C1QTNF7: variants seen among roughly 807,000 people sequenced by gnomAD.
The protein encoded by C1QTNF7 is complement C1q tumor necrosis factor-related protein 7.
A neutral mutation model predicts 19.6 loss-of-function variants in C1QTNF7; 15 were observed. The ratio of observed to expected loss-of-function variants is 0.76; its 90% confidence interval spans 0.51 to 1.18. The LOEUF is 1.18. C1QTNF7 is among the 50% of genes most tolerant of loss of function. The pLI, the probability that C1QTNF7 is intolerant of heterozygous loss-of-function variation, is 0.00. For missense variants in C1QTNF7, 324 were observed against 359.7 expected (o/e 0.90, Z 0.80); for synonymous variants, 142 against 137.5 (o/e 1.03, Z -0.23).
chr4:15,340,088 G>C, exon 1 of C1QTNF7: 2 of 1,309,744 alleles, frequency 1.5e-6, no homozygotes, highest in Non-Finnish European at 2.2e-6. Context: ...GAGTAGCTTC[G>C]AATAATAAAC....
chr4:15,345,205 A>G (rs1174406029), intron 1 of C1QTNF7, among the ~76,000 whole-genome samples: 1 of 152,174 alleles, frequency 6.6e-6, no homozygotes, highest in Non-Finnish European at 1.5e-5. Flanking sequence ...CACCTTTAAC[A>G]CTAAGGTCAG....
intron 1 of C1QTNF7, among the ~76,000 whole-genome samples, chr4:15,373,607 G>T (rs1442873540): frequency 6.6e-6 from 1 of 152,132 alleles, no homozygotes; most frequent in Non-Finnish European, 1.5e-5. Flanking sequence ...ACTCCACAGG[G>T]CTCCCTTGGC....
chr4:15,435,777 A>G lies in C1QTNF7; in HGVS notation c.34A>G (p.Ile12Val). 6.2e-7 allele frequency: 1 copy of G among 1,614,136 alleles called. No individual in the cohort carries two copies. Among genetic ancestry groups the G allele is most frequent in the East Asian group, 2.2e-5 (1 of 44,864 alleles). Residue 12 changes from isoleucine to valine, a missense_variant, in exon 2 of 3, where the codon ATT becomes GTT. By Grantham distance (29) the Ile-to-Val change is conservative. Transcript: ENST00000444304. ...FVLLYVTSFA[I>V]CASGQPRGNQ... The stretch of plus-strand genomic sequence containing the variant: ...CTTGCTCTATGTTACAAGTTTTGCC[A>G]TTTGTGCCAGTGGACAACCCCGGGG...
chr4:15,428,727 G>A (rs1712168606), intron 1 of C1QTNF7, among the ~76,000 whole-genome samples: 1 of 152,148 alleles, frequency 6.6e-6, no homozygotes, highest in African/African-American at 2.4e-5. Context: ...ACTGAGGCAT[G>A]AGCAGCTCAG....
chr4:15,341,997 C>T (rs540717396), intron 1 of C1QTNF7, among the ~76,000 whole-genome samples: 2 of 152,332 alleles, frequency 1.3e-5, no homozygotes, highest in East Asian at 3.9e-4. Flanking sequence ...CCCCAGAGGG[C>T]CCCAAAGAGG....
In C1QTNF7 at chr4:15,435,800, G is replaced by A. The variant is rs753128594; in HGVS notation, c.57G>A (p.Arg19=). The A allele has an allele frequency of 1.2e-6, 2 of 1,614,100 alleles. No homozygotes were observed. Among genetic ancestry groups the A allele is most frequent in the East Asian group, 2.2e-5 (1 of 44,876 alleles). ...CCATTTGTGCCAGTGGACAACCCCG[G>A]GGTAATCAGTTGAAAGGAGAGAACT... ...SFAICASGQP[R]GNQLKGENYS... is the part of the protein sequence containing the mutation. The change falls in exon 2 of 3, where the codon CGG becomes CGA. Residue 19 remains arginine, a synonymous_variant. Transcript: ENST00000444304.
At chr4:15,351,608 G>C (rs778066517) in intron 1 of C1QTNF7, among the ~76,000 whole-genome samples, 1 of 152,138 alleles carries the variant, frequency 6.6e-6, no homozygotes, top group Non-Finnish European at 1.5e-5. Context: ...AGCGGCGCCC[G>C]AGACTAGTAC....
chr4:15,408,496 A>G (rs767433423), intron 1 of C1QTNF7, among the ~76,000 whole-genome samples: 2 of 152,108 alleles, frequency 1.3e-5, no homozygotes, highest in Non-Finnish European at 2.9e-5. Context: ...ATAAGTATAT[A>G]TGTATATATA....
chr4:15,359,353 A>AT (rs1242378335), intron 1 of C1QTNF7, among the ~76,000 whole-genome samples: 1 of 152,190 alleles, frequency 6.6e-6, no homozygotes, highest in African/African-American at 2.4e-5. Context: ...TTCTGGGCCC[A>AT]TAAATTATGT....
In C1QTNF7 at chr4:15,371,533, C is replaced by A. The variant is rs541011367; in HGVS notation, c.13+31326C>A. Among the ~76,000 whole-genome samples the A allele has an allele frequency of 2.6e-5, 4 of 152,164 alleles. No individual in the cohort carries two copies. In the South Asian group the frequency reaches 6.2e-4, roughly 24 times the overall value. ...GGAGCTTACAGACTGGTGAGGGAGA[C>A]AACCATTATGCAAATTATCTTAGAA... is the stretch of plus-strand genomic sequence containing the variant. On this transcript the variant is annotated intron_variant, in intron 1 of 2. Transcript: ENST00000295297.
In C1QTNF7 at chr4:15,435,744, ATGTT is replaced by A; in HGVS notation, c.5_8del (p.Phe2_?3). On this transcript the variant is annotated frameshift_variant and start_lost, in exon 2 of 3. Coordinates refer to ENST00000444304, the MANE Select transcript of C1QTNF7 (RefSeq NM_031911.5). LOFTEE classifies it high-confidence loss of function. ...GTGTGTTTCTCTTCCAGAGCCAAAG[ATGTT>A]TGTCTTGCTCTATGTTACAAGTTTT... 1.2e-6 allele frequency: 2 copies of A among 1,614,104 alleles called. No individual in the cohort carries two copies. The highest frequency in any genetic ancestry group is 1.7e-6 in the Non-Finnish European group (2 of 1,179,980).
At chr4:15,418,242 C>T (rs1485162922) in intron 1 of C1QTNF7, among the ~76,000 whole-genome samples, 1 of 152,090 alleles carries the variant, frequency 6.6e-6, no homozygotes, top group Non-Finnish European at 1.5e-5. Flanking sequence ...CCCTCCCCAG[C>T]CCTCTCTAAT....
chr4:15,432,976 C>A lies in C1QTNF7; in HGVS notation c.-8-2760C>A, dbSNP rs752809507. ...CTTCCTTTGCCCACCATCAACTAGA[C>A]CCTTACCACATTCTTCTTCACAGAC... On this transcript the variant is annotated intron_variant, in intron 1 of 2. Transcript: ENST00000444304. 4.5e-4 allele frequency among the ~76,000 whole-genome samples: 69 copies of A among 152,138 alleles called. 1 individual carries two copies. The highest frequency in any genetic ancestry group is 1.6e-3 in the Admixed American group (24 of 15,278).
chr4:15,368,658 T>C (rs889111740), intron 1 of C1QTNF7, among the ~76,000 whole-genome samples: 2 of 152,224 alleles, frequency 1.3e-5, no homozygotes, highest in African/African-American at 4.8e-5. Context: ...CCATGGTGTA[T>C]ATGTGCCACA....
At chr4:15,372,208 G>C (rs1278383463) in intron 1 of C1QTNF7, among the ~76,000 whole-genome samples, 1 of 152,152 alleles carries the variant, frequency 6.6e-6, no homozygotes. Context: ...TTCATGTGTT[G>C]AAGCTTTAAC....
At chr4:15,344,342 A>G (rs1164379388) in intron 1 of C1QTNF7, among the ~76,000 whole-genome samples, 1 of 152,240 alleles carries the variant, frequency 6.6e-6, no homozygotes, top group Non-Finnish European at 1.5e-5. Flanking sequence ...GCTGTGGCAG[A>G]GACTAAACTT....
chr4:15,372,591 A>G (rs758614598), intron 1 of C1QTNF7, among the ~76,000 whole-genome samples: 5 of 152,248 alleles, frequency 3.3e-5, no homozygotes, highest in Non-Finnish European at 7.3e-5. Flanking sequence ...CATTCAAATA[A>G]TAAATTAATA....
intron 1 of C1QTNF7, among the ~76,000 whole-genome samples, chr4:15,394,870 C>T (rs552802712): frequency 6.6e-6 from 1 of 152,116 alleles, no homozygotes; most frequent in South Asian, 2.1e-4. Flanking sequence ...CAAGGGGATT[C>T]TCATTATTAA....
intron 1 of C1QTNF7, among the ~76,000 whole-genome samples, chr4:15,399,152 G>A (rs1443169239): frequency 6.6e-6 from 1 of 152,196 alleles, no homozygotes; most frequent in Non-Finnish European, 1.5e-5. Context: ...CAACTCCTGA[G>A]ATCTTATCAG....
Sources: allele counts gnomAD v4.1 joint callset (sites outside exome capture counted in the v4.1 genomes callset), GRCh38; gene constraint gnomAD v4.1.1; transcripts MANE v1.5; gene names NCBI Gene and HGNC (gene_info 2026-07-23, HGNC 2026-07-21).